Variants in KCNT2 observed in about 807,000 individuals in gnomAD.
KCNT2 encodes potassium sodium-activated channel subfamily T member 2.
Under a neutral mutation model 153.8 loss-of-function variants are expected in KCNT2, and 67 were observed. The ratio of observed to expected loss-of-function variants is 0.44; its 90% CI spans 0.36 to 0.53. KCNT2 has a LOEUF of 0.53. Among genes scored for constraint, KCNT2 ranks in the 20% least tolerant of loss-of-function variants. The pLI is 0.00. For synonymous variants in KCNT2, 500 were observed against 458.8 expected (o/e 1.09, Z -1.15); for missense variants, 975 against 1,354.8 (o/e 0.72, Z 4.40).
At chr1:196,461,742 G>T (rs114194895) in intron 8 of KCNT2, among the ~76,000 whole-genome samples, 2 of 151,816 alleles carry the variant, frequency 1.3e-5, no homozygotes, top group African/African-American at 4.8e-5. Context: ...TATGTGGACA[G>T]ATTAGTCCAA....
chr1:196,328,787 T>A (rs1428137205), intron 18 of KCNT2, among the ~76,000 whole-genome samples: 2 of 151,970 alleles, frequency 1.3e-5, no homozygotes, highest in African/African-American at 4.8e-5. Context: ...AAGGTGGTAA[T>A]CTAGGAAACA....
At chr1:196,584,453 A>G (rs12130043) in intron 1 of KCNT2, among the ~76,000 whole-genome samples, 3,216 of 152,204 alleles carry the variant, frequency 0.021, 103 homozygotes, top group African/African-American at 0.073. Context: ...AAATTAACAA[A>G]TGGATGAACT....
intron 1 of KCNT2, among the ~76,000 whole-genome samples, chr1:196,581,716 C>T (rs1197524864): frequency 6.6e-6 from 1 of 152,032 alleles, no homozygotes; most frequent in Non-Finnish European, 1.5e-5. Context: ...AAAGAAATCC[C>T]ACTCAAGCAT....
At chr1:196,577,279 A>G (rs774068545) in intron 1 of KCNT2, among the ~76,000 whole-genome samples, 38 of 152,274 alleles carry the variant, frequency 2.5e-4, no homozygotes, top group South Asian at 8.3e-4. Flanking sequence ...GGTGATGAAC[A>G]TGAGACAACA....
intron 25 of KCNT2, among the ~76,000 whole-genome samples, chr1:196,266,202 C>T (rs1001460901): frequency 1.3e-5 from 2 of 152,112 alleles, no homozygotes; most frequent in African/African-American, 4.8e-5. Context: ...TCCAAATTAA[C>T]TTATATGTTT....
At chr1:196,292,024 A>T (rs151008296) in intron 22 of KCNT2, among the ~76,000 whole-genome samples, 1 of 152,210 alleles carries the variant, frequency 6.6e-6, no homozygotes, top group African/African-American at 2.4e-5. Context: ...AATGTGTCTT[A>T]AAAAATAGAA....
intron 8 of KCNT2, among the ~76,000 whole-genome samples, chr1:196,444,050 A>G (rs989729909): frequency 6.6e-6 from 1 of 151,550 alleles, no homozygotes; most frequent in Non-Finnish European, 1.5e-5. Flanking sequence ...GAGGAACTAC[A>G]TCATTTAATG....
At chr1:196,247,545 G>A (rs954267666) in intron 26 of KCNT2, among the ~76,000 whole-genome samples, 1 of 152,162 alleles carries the variant, frequency 6.6e-6, no homozygotes, top group Non-Finnish European at 1.5e-5. Flanking sequence ...CGCATGGCTG[G>A]GAAGGCCTCA....
intron 1 of KCNT2, among the ~76,000 whole-genome samples, chr1:196,495,262 CT>C (rs565569330): frequency 1.7e-3 from 240 of 143,728 alleles, no homozygotes; most frequent in Admixed American, 1.8e-3. Flanking sequence ...TAAAGTAGAG[CT>C]TTTTTTTTTT....
intron 3 of KCNT2, 95 bp downstream of exon 3, chr1:196,489,743 A>T (rs1262980994): frequency 7.1e-6 from 5 of 707,874 alleles, no homozygotes; most frequent in Non-Finnish European, 1.2e-5. Context: ...TACCCTTAAA[A>T]ATTAAGCTCT....
intron 1 of KCNT2, among the ~76,000 whole-genome samples, chr1:196,547,639 A>ACTGTCCATTCAT (rs1474210585): frequency 6.6e-6 from 1 of 151,826 alleles, no homozygotes; most frequent in Non-Finnish European, 1.5e-5. Context: ...TTACCCTTTC[A>ACTGTCCATTCAT]CTGTCCATTC....
chr1:196,234,061 T>C (rs761425163), intron 27 of KCNT2, among the ~76,000 whole-genome samples: 2 of 151,372 alleles, frequency 1.3e-5, no homozygotes, highest in Admixed American at 6.6e-5. Context: ...ACATTTGGGA[T>C]ATTCCTAACA....
chr1:196,281,083 G>T (rs779912521), intron 24 of KCNT2, 95 bp from the exon 25 acceptor site: 2 of 957,498 alleles, frequency 2.1e-6, no homozygotes, highest in Non-Finnish European at 1.6e-6. Context: ...TTTTGTGGGG[G>T]GCAGGGTCTC....
At chr1:196,295,326 C>T (rs1376874383) in intron 22 of KCNT2, among the ~76,000 whole-genome samples, 3 of 151,584 alleles carry the variant, frequency 2.0e-5, no homozygotes, top group Non-Finnish European at 2.9e-5. Context: ...CTATTTGTAC[C>T]TATAATACTT....
In KCNT2 at chr1:196,226,614, T is replaced by A. The variant is rs542103757; in HGVS notation, c.*1610A>T. 2.0e-5 allele frequency: 3 copies of A among 152,102 alleles called. No homozygotes were observed. In the East Asian group the frequency reaches 5.8e-4, roughly 29 times the overall value. The allele number at this position is 152,102 out of a possible 1,614,324, so 9.4% of individuals were successfully genotyped here. A position where few individuals can be genotyped will look rare whatever the true frequency, so the allele number is the denominator to read the frequency against. On this transcript the variant is annotated 3_prime_UTR_variant, in exon 28 of 28. Transcript: ENST00000294725. ...AAATACCAAAAAGAAAAAAAGACAT[T>A]TCATAGCCTCCAAGCCAAATTATAC...
intron 14 of KCNT2, among the ~76,000 whole-genome samples, chr1:196,355,659 T>C (rs934336968): frequency 2.0e-5 from 3 of 151,780 alleles, no homozygotes; most frequent in African/African-American, 7.2e-5. Flanking sequence ...TTTGAAGTGT[T>C]CATTTAATTC....
chr1:196,344,083 C>T (rs1665924510), intron 14 of KCNT2, among the ~76,000 whole-genome samples: 1 of 152,090 alleles, frequency 6.6e-6, no homozygotes, highest in Non-Finnish European at 1.5e-5. Context: ...CCTGGCCAAA[C>T]TCTACAATCT....
intron 14 of KCNT2, among the ~76,000 whole-genome samples, chr1:196,346,966 GAT>G (rs1216192974): frequency 1.3e-5 from 2 of 152,066 alleles, no homozygotes; most frequent in Non-Finnish European, 2.9e-5. Context: ...TAATCTATGA[GAT>G]ATATGCTTTT....
intron 15 of KCNT2, among the ~76,000 whole-genome samples, chr1:196,341,548 G>A (rs1452787465): frequency 6.6e-6 from 1 of 151,008 alleles, no homozygotes; most frequent in Non-Finnish European, 1.5e-5. Context: ...CAGATAATAT[G>A]TTATTTTCAT....
Sources: allele counts gnomAD v4.1 joint callset (sites outside exome capture counted in the v4.1 genomes callset), GRCh38; gene constraint gnomAD v4.1.1; transcripts MANE v1.5; gene names NCBI Gene and HGNC (gene_info 2026-07-23, HGNC 2026-07-21).